Variants in FAT3 observed in about 807,000 individuals in gnomAD.
FAT3 encodes protocadherin Fat 3.
FAT3 carries 95 observed loss-of-function variants against 310.2 expected under a neutral mutation model. The observed-to-expected ratio is 0.31, with a 90% CI of 0.26 to 0.36. FAT3 has a LOEUF of 0.36. Among genes scored for constraint, FAT3 ranks in the 10% least tolerant of loss-of-function variants. The probability of loss-of-function intolerance (pLI) is 1.00; values close to 1 mark genes in which losing one functional copy is unlikely to be tolerated. For synonymous variants in FAT3, 2,314 were observed against 2,192.9 expected (o/e 1.06, Z -1.54); for missense variants, 5,408 against 5,715.6 (o/e 0.95, Z 1.74).
intron 3 of FAT3, among the ~76,000 whole-genome samples, chr11:92,627,803 T>G (rs1041364982): frequency 6.6e-6 from 1 of 152,146 alleles, no homozygotes; most frequent in African/African-American, 2.4e-5. Context: ...ATGCCATTGA[T>G]AAATAGGGTG....
intron 2 of FAT3, among the ~76,000 whole-genome samples, chr11:92,392,412 C>T (rs772011547): frequency 3.3e-5 from 5 of 152,052 alleles, no homozygotes; most frequent in Admixed American, 6.5e-5. Context: ...TGAGCCAGGA[C>T]GTATTTCTGT....
intron 6 of FAT3, among the ~76,000 whole-genome samples, chr11:92,766,109 C>G (rs1179985662): frequency 6.6e-6 from 1 of 152,098 alleles, no homozygotes; most frequent in Non-Finnish European, 1.5e-5. Context: ...TGGGAGCCAA[C>G]CTTTAAATTC....
intron 1 of FAT3, among the ~76,000 whole-genome samples, chr11:92,263,503 T>TCCTC (rs1354933287): frequency 6.6e-6 from 1 of 152,044 alleles, no homozygotes; most frequent in African/African-American, 2.4e-5. Flanking sequence ...TTTTCTTCCT[T>TCCTC]CCTCTGAAAT....
At chr11:92,432,373 C>G (rs984513538) in intron 2 of FAT3, among the ~76,000 whole-genome samples, 2 of 152,160 alleles carry the variant, frequency 1.3e-5, no homozygotes, top group African/African-American at 4.8e-5. Flanking sequence ...AGTTGCCTAT[C>G]AGCTTAAGGA....
In FAT3 at chr11:92,895,734, C is replaced by T. The variant is rs1385077714; in HGVS notation, c.*4621C>T. 6.6e-6 allele frequency: 1 copy of T among 152,154 alleles called. No individual in the cohort carries two copies. The highest frequency in any genetic ancestry group is 1.5e-5 in the Non-Finnish European group (1 of 68,030). 9.4% of individuals were successfully genotyped at this position (152,154 alleles called of 1,614,324 possible). ...GTCTTGTACGTTTGCCTGTTGCAAA[C>T]AGGCTGGTTTGTAAAAGATGTATGT... On this transcript the variant is annotated 3_prime_UTR_variant, in exon 28 of 28. Coordinates refer to ENST00000525166, the MANE Select transcript of FAT3 (RefSeq NM_001367949.2).
intron 2 of FAT3, among the ~76,000 whole-genome samples, chr11:92,369,952 G>T (rs1453354304): frequency 6.6e-6 from 1 of 151,900 alleles, no homozygotes; most frequent in African/African-American, 2.4e-5. Flanking sequence ...TTTTTTCTTG[G>T]GCCTACTCCT....
chr11:92,228,992 A>G (rs1445676524), intron 1 of FAT3, among the ~76,000 whole-genome samples: 1 of 152,136 alleles, frequency 6.6e-6, no homozygotes, highest in Non-Finnish European at 1.5e-5. Context: ...ACTATTGATG[A>G]ACCACTTCTT....
chr11:92,790,262 T>G, intron 8 of FAT3, 44 bp downstream of exon 8: 1 of 1,595,700 alleles, frequency 6.3e-7, no homozygotes, highest in Non-Finnish European at 8.6e-7. Flanking sequence ...AACCACTGAC[T>G]GTTCAGGCCA....
intron 4 of FAT3, among the ~76,000 whole-genome samples, chr11:92,735,352 C>T (rs1454316284): frequency 6.6e-6 from 1 of 152,122 alleles, no homozygotes; most frequent in African/African-American, 2.4e-5. Flanking sequence ...CTCTCACTGT[C>T]TTTGGACAAT....
At chr11:92,664,716 T>C (rs1420783946) in intron 3 of FAT3, among the ~76,000 whole-genome samples, 1 of 152,202 alleles carries the variant, frequency 6.6e-6, no homozygotes, top group Non-Finnish European at 1.5e-5. Flanking sequence ...CATGCTTTCA[T>C]CCCAGAATTT....
chr11:92,877,101 A>G (rs1177613329), intron 22 of FAT3, among the ~76,000 whole-genome samples: 3 of 152,192 alleles, frequency 2.0e-5, no homozygotes, highest in Admixed American at 2.0e-4. Context: ...GAAGTAGACA[A>G]CACCAACACA....
intron 2 of FAT3, among the ~76,000 whole-genome samples, chr11:92,427,732 G>T (rs1355837786): frequency 6.6e-6 from 1 of 152,126 alleles, no homozygotes; most frequent in Non-Finnish European, 1.5e-5. Context: ...CTTGATCATG[G>T]TGGATAAGCT....
Position 92,835,098 on chromosome 11 carries a change from GT to G in FAT3, c.10086+16del. The G allele has an allele frequency of 6.2e-7, 1 of 1,605,482 alleles. No homozygotes were observed. The highest frequency in any genetic ancestry group is 8.5e-7 in the Non-Finnish European group (1 of 1,175,140). On this transcript the variant is annotated intron_variant, in intron 15 of 27. Coordinates refer to ENST00000525166, the MANE Select transcript of FAT3 (RefSeq NM_001367949.2). ...TCTGTCATTTTGGTAGGTACCTGGG[GT>G]TGGGGATGGTTCTAGATGTTTGGGA... is the stretch of plus-strand genomic sequence containing the variant.
At chr11:92,835,881 C>T (rs932980739) in intron 15 of FAT3, among the ~76,000 whole-genome samples, 2 of 152,030 alleles carry the variant, frequency 1.3e-5, no homozygotes, top group Admixed American at 1.3e-4. Flanking sequence ...TCTGTTAGAC[C>T]GCAAATTACA....
At chr11:92,744,271 T>C (rs996888534) in intron 4 of FAT3, among the ~76,000 whole-genome samples, 8 of 152,256 alleles carry the variant, frequency 5.3e-5, no homozygotes, top group African/African-American at 1.9e-4. Flanking sequence ...GAAGGAATGA[T>C]GAATGTGCAC....
intron 3 of FAT3, among the ~76,000 whole-genome samples, chr11:92,594,813 G>T (rs570955295): frequency 6.6e-6 from 1 of 152,150 alleles, no homozygotes; most frequent in African/African-American, 2.4e-5. Flanking sequence ...GATATTTGCT[G>T]CCAAAATCCA....
chr11:92,867,348 T>A, intron 22 of FAT3, 139 bp downstream of exon 22: 2 of 914,954 alleles, frequency 2.2e-6, no homozygotes, highest in Non-Finnish European at 3.2e-6. Context: ...CCAACCTTCT[T>A]AATCTGCTTT....
At chr11:92,562,581 A>G (rs560046556) in intron 3 of FAT3, among the ~76,000 whole-genome samples, 15 of 152,308 alleles carry the variant, frequency 9.8e-5, no homozygotes, top group African/African-American at 3.1e-4. Flanking sequence ...ATGATGGAGG[A>G]TAAGAAGTCC....
intron 3 of FAT3, among the ~76,000 whole-genome samples, chr11:92,626,066 G>GT (rs1941322070): frequency 6.6e-6 from 1 of 152,152 alleles, no homozygotes; most frequent in South Asian, 2.1e-4. Context: ...TCCTAATGGA[G>GT]GATTAGCTGG....
Sources: allele counts gnomAD v4.1 joint callset (sites outside exome capture counted in the v4.1 genomes callset), GRCh38; gene constraint gnomAD v4.1.1; transcripts MANE v1.5; gene names NCBI Gene and HGNC (gene_info 2026-07-23, HGNC 2026-07-21).